Variants in CHD9 observed in about 807,000 individuals in gnomAD.
CHD9 encodes the protein chromodomain helicase DNA binding protein 9, also known as ATP-dependent chromatin remodeler CHD9.
In CHD9, 77 loss-of-function variants were observed where a neutral mutation model predicts 316.1. The observed-to-expected ratio is 0.24, with a 90% CI of 0.20 to 0.29. The LOEUF (loss-of-function observed/expected upper bound fraction) is 0.29. Ranked by LOEUF, CHD9 falls within the 10% of genes least tolerant of loss-of-function variation. The probability of loss-of-function intolerance (pLI) is 1.00; values close to 1 mark genes in which losing one functional copy is unlikely to be tolerated. For missense variants in CHD9, 2,763 were observed against 3,438.1 expected (o/e 0.80, Z 4.91); for synonymous variants, 1,129 against 1,158.3 (o/e 0.97, Z 0.51).
chr16:53,226,855 C>T (rs1474013329), intron 5 of CHD9, among the ~76,000 whole-genome samples: 2 of 152,166 alleles, frequency 1.3e-5, no homozygotes, highest in Non-Finnish European at 2.9e-5. Flanking sequence ...ACAAAAATAA[C>T]GATACCTTTT....
At chr16:53,291,410 A>G (rs901211921) in intron 27 of CHD9, among the ~76,000 whole-genome samples, 1 of 152,208 alleles carries the variant, frequency 6.6e-6, no homozygotes, top group Non-Finnish European at 1.5e-5. Context: ...AAACACACTT[A>G]GTTAGCAATA....
At chr16:53,315,659 C>G (rs1386008896) in intron 36 of CHD9, among the ~76,000 whole-genome samples, 2 of 151,948 alleles carry the variant, frequency 1.3e-5, no homozygotes, top group Non-Finnish European at 2.9e-5. Flanking sequence ...TTGTATTTTT[C>G]ATAGAAACAG....
At position 53,309,604 on chromosome 16, in the gene CHD9, A is replaced by C. The variant is rs111777320; in HGVS notation, c.7222+750A>C. On this transcript the variant is annotated intron_variant, in intron 34 of 38. Transcript: ENST00000447540. ...CTGTGTACTCCGTAGGCATTGAGGA[A>C]TGCATTAGACATTGGTTTTAGTTTT... Among the ~76,000 whole-genome samples, 90 of 152,266 alleles carry C rather than the reference A, an allele frequency of 5.9e-4. 1 individual carries two copies. Among genetic ancestry groups the C allele is most frequent in the African/African-American group, 1.9e-3 (77 of 41,562 alleles).
intron 34 of CHD9, 82 bp from the exon 35 acceptor site, chr16:53,314,295 T>C: frequency 1.0e-6 from 1 of 969,058 alleles, no homozygotes; most frequent in East Asian, 2.8e-5. Flanking sequence ...ACTAACACTT[T>C]CATATATTTA....
intron 29 of CHD9, among the ~76,000 whole-genome samples, chr16:53,294,024 A>C (rs1249853634): frequency 2.6e-5 from 4 of 152,210 alleles, no homozygotes; most frequent in African/African-American, 9.6e-5. Flanking sequence ...TTTACATTTT[A>C]CATCCAGACT....
chr16:53,231,319 C>A, intron 8 of CHD9, 100 bp from the exon 9 acceptor site: 3 of 562,016 alleles, frequency 5.3e-6, no homozygotes, highest in Non-Finnish European at 6.3e-6. Flanking sequence ...TAACTGAAAT[C>A]AAACTTACAA....
In CHD9 at chr16:53,324,506, T is replaced by A; in HGVS notation, c.8305T>A (p.Ser2769Thr). 2 of 1,613,962 alleles carry A rather than the reference T, an allele frequency of 1.2e-6. No homozygotes were observed. The highest frequency in any genetic ancestry group is 1.7e-6 in the Non-Finnish European group (2 of 1,179,874). The change falls in exon 39 of 39, where the codon TCT becomes ACT. Residue 2769 changes from serine to threonine, a missense_variant. By Grantham distance (58) the Ser-to-Thr change is moderately conservative. Around this residue, in one of 15 missense-constraint regions of CHD9, gnomAD observed 298 missense variants for 380.2 expected, o/e 0.78. Coordinates refer to ENST00000447540, the MANE Select transcript of CHD9 (RefSeq NM_001308319.2). Reference sequence around the variant, plus strand: ...AAGTTCAGAGAATGGTGGAGAAAACTCTGTGTCAAGTTCTCCTTCCACATC... The same window carrying A: ...AAGTTCAGAGAATGGTGGAGAAAACACTGTGTCAAGTTCTCCTTCCACATC... Reference protein sequence around the residue: ...SQSSENGGENSVSSSPSTSST... With the variant: ...SQSSENGGENTVSSSPSTSST...
chr16:53,131,372 G>GC (rs2039290389), intron 1 of CHD9: 1 of 150,704 alleles, frequency 6.6e-6, no homozygotes, highest in Admixed American at 6.7e-5. Context: ...GGGCAGGCGG[G>GC]GCGGCGCCCC....
At chr16:53,088,279 G>T (rs4784290) in intron 1 of CHD9, among the ~76,000 whole-genome samples, 103,591 of 135,664 alleles carry the variant, frequency 0.76, 39,366 homozygotes, top group East Asian at 0.83. Context: ...CATGCACTTT[G>T]TTTTTTTTTT....
Position 53,209,721 on chromosome 16 carries a change from A to G in CHD9, c.1692A>G (p.Glu564=). The G allele has an allele frequency of 6.2e-7, 1 of 1,613,902 alleles. No homozygotes were observed. The highest frequency in any genetic ancestry group is 8.5e-7 in the Non-Finnish European group (1 of 1,179,818). The stretch of plus-strand genomic sequence containing the variant: ...CTGCTTCAGTTGAAGGAAAAGAGGA[A>G]AAGAAAGGTAGAAGGATGAAATCCA... ...FPTASVEGKE[E]KKGRRMKSKP... Residue 564 remains glutamate, a synonymous_variant, in exon 3 of 39, where the codon GAA becomes GAG. Transcript: ENST00000447540.
chr16:53,237,421 T>G (rs1478256602), intron 11 of CHD9, among the ~76,000 whole-genome samples: 1 of 152,134 alleles, frequency 6.6e-6, no homozygotes, highest in Non-Finnish European at 1.5e-5. Context: ...AAACCTAATC[T>G]TATTGGATTT....
intron 2 of CHD9, among the ~76,000 whole-genome samples, chr16:53,172,797 G>A (rs940756583): frequency 1.3e-5 from 2 of 151,962 alleles, no homozygotes; most frequent in African/African-American, 2.4e-5. Context: ...TTTTTTTCAT[G>A]TGCTTATTTC....
chr16:53,231,494 G>T lies in CHD9; in HGVS notation c.2362G>T (p.Asp788Tyr), dbSNP rs762243316. 11 of 1,581,468 alleles carry T rather than the reference G, an allele frequency of 7.0e-6. No homozygotes were observed. Among genetic ancestry groups the T allele is most frequent in the Non-Finnish European group, 6.9e-6 (8 of 1,153,544 alleles). Residue 788 changes from aspartate to tyrosine, a missense_variant, in exon 9 of 39, where the codon GAT becomes TAT. By Grantham distance (160) the Asp-to-Tyr change is radical (BLOSUM62 -3). Around this residue, in one of 15 missense-constraint regions of CHD9, gnomAD observed 186 missense variants for 245.0 expected, o/e 0.76. Coordinates refer to ENST00000447540, the MANE Select transcript of CHD9 (RefSeq NM_001308319.2). ...AGAAGTCTCTTTTTGTGAAGATAAG[G>T]ATACTGGTGAGGTAAATATATGGTA... ...VLEVSFCEDK[D>Y]TGEPVIYYLV...
At chr16:53,262,885 A>G in intron 19 of CHD9, 102 bp from the exon 20 acceptor site, 1 of 904,546 alleles carries the variant, frequency 1.1e-6, no homozygotes, top group Non-Finnish European at 1.8e-6. Context: ...TTGATGTATG[A>G]GTATGCAGAA....
At chr16:53,174,299 A>G (rs1322268054) in intron 2 of CHD9, among the ~76,000 whole-genome samples, 1 of 152,202 alleles carries the variant, frequency 6.6e-6, no homozygotes, top group Non-Finnish European at 1.5e-5. Context: ...TCAAAAACCA[A>G]AAAGGAAGGA....
intron 1 of CHD9, among the ~76,000 whole-genome samples, chr16:53,089,218 C>T (rs369644424): frequency 1.3e-5 from 2 of 151,132 alleles, no homozygotes; most frequent in African/African-American, 2.4e-5. Flanking sequence ...CCCGGGAGGT[C>T]GAGACTGCAG....
At chr16:53,243,396 C>T (rs1011930052) in intron 13 of CHD9, among the ~76,000 whole-genome samples, 2 of 152,196 alleles carry the variant, frequency 1.3e-5, no homozygotes, top group Admixed American at 6.5e-5. Flanking sequence ...TCACTGCAAC[C>T]TCCACCTCCC....
At chr16:53,131,253 CG>C (rs1370972784) in intron 1 of CHD9, 5 of 144,696 alleles carry the variant, frequency 3.5e-5, no homozygotes, top group East Asian at 4.4e-4. Flanking sequence ...CGGGGGGCGG[CG>C]GGGGCGCCTC....
At chr16:53,249,470 G>A (rs889454241) in intron 16 of CHD9, among the ~76,000 whole-genome samples, 2 of 152,160 alleles carry the variant, frequency 1.3e-5, no homozygotes, top group African/African-American at 4.8e-5. Flanking sequence ...TGTCAGTCGA[G>A]AGTAACATGG....
Sources: allele counts gnomAD v4.1 joint callset (sites outside exome capture counted in the v4.1 genomes callset), GRCh38; gene constraint gnomAD v4.1.1; regional missense constraint gnomAD v4.1.1; transcripts MANE v1.5; gene names NCBI Gene and HGNC (gene_info 2026-07-23, HGNC 2026-07-21).